Variants in IDI1 observed in about 807,000 individuals in gnomAD.
The protein encoded by IDI1 is isopentenyl-diphosphate delta isomerase 1, also known as isopentenyl-diphosphate Delta-isomerase 1.
Under a neutral mutation model 32.9 loss-of-function variants are expected in IDI1, and 23 were observed. The ratio of observed to expected loss-of-function variants is 0.70; its 90% CI spans 0.50 to 0.99. The LOEUF is 0.99. IDI1 is among the 50% of genes least tolerant of loss of function. IDI1 has a pLI of 0.00. For missense variants in IDI1, 326 were observed against 351.9 expected, an observed-to-expected ratio of 0.93 and a Z score of 0.59; for synonymous variants, 133 against 128.2, an observed-to-expected ratio of 1.04 and a Z score of -0.25.
chr10:1,054,098 T>C (rs1323333526), upstream of IDI1, among the ~76,000 whole-genome samples: 1 of 152,176 alleles, frequency 6.6e-6, no homozygotes, highest in Non-Finnish European at 1.5e-5. Flanking sequence ...CAGATCACTA[T>C]AACTGATTTA....
intron 1 of IDI1, 133 bp downstream of exon 1, chr10:1,048,731 C>G: frequency 6.9e-6 from 10 of 1,445,890 alleles, no homozygotes; most frequent in Non-Finnish European, 8.1e-6. Context: ...ACGCCGCCAC[C>G]CCCAGCTGTC....
At chr10:1,054,114 G>A (rs914991095), upstream of IDI1, among the ~76,000 whole-genome samples, 13 of 152,098 alleles carry the variant, frequency 8.5e-5, no homozygotes, top group South Asian at 2.1e-4. Flanking sequence ...ATTTAATAAC[G>A]GAAACATTCC....
rs1424019792 is a variant in IDI1 at position 1,041,371 on chromosome 10, T to G, written c.671A>C (p.Glu224Ala). 6.2e-7 allele frequency: 1 copy of G among 1,613,490 alleles called. No individual in the cohort carries two copies. Among genetic ancestry groups the G allele is most frequent in the Non-Finnish European group, 8.5e-7 (1 of 1,179,620 alleles). ...TGACACATAACAATAGCTTTTAATC[T>G]CATTGGGATCTGGATTCAAAGTTAC... ...KNVTLNPDPN[E>A]IKSYCYVSKE... Residue 224 changes from glutamate to alanine, a missense_variant, in exon 5 of 5, where the codon GAG (glutamate) becomes GCG (alanine). Glu to Ala is a moderately radical substitution (Grantham distance 107, BLOSUM62 -1). Around this residue, in one of 2 missense-constraint regions of IDI1, gnomAD observed 205 missense variants for 273.5 expected, o/e 0.75. Transcript: ENST00000381344.
Position 1,049,023 on chromosome 10 carries a change from C to A in IDI1, c.-20G>T. 1 of 1,473,820 alleles carries A rather than the reference C, an allele frequency of 6.8e-7. No individual in the cohort carries two copies. The highest frequency in any genetic ancestry group is 8.9e-7 in the Non-Finnish European group (1 of 1,121,818). 91.3% of individuals were successfully genotyped at this position (1,473,820 alleles called of 1,614,324 possible). On this transcript the variant is annotated 5_prime_UTR_variant, in exon 1 of 5. Transcript: ENST00000381344. ...CCACATCGCCCGGCCAATTGGCGCC[C>A]GTACGCGCTTGACGACACAATCTCG...
the IDI1 span, among the ~76,000 whole-genome samples, chr10:1,055,320 C>A: frequency 6.6e-6 from 1 of 152,184 alleles, no homozygotes; most frequent in Non-Finnish European, 1.5e-5. Flanking sequence ...AAAATGATTT[C>A]TTTCCCTTGT....
rs1052666939 is a variant in IDI1 at position 1,039,983 on chromosome 10, G to A, written c.*1204C>T. On this transcript the variant is annotated 3_prime_UTR_variant, in exon 5 of 5. Transcript: ENST00000381344. ...TGTCTGAAATTATAAATTGCCCAAA[G>A]TTAACCATAAATGAGTCATTCTATT... 1 of 152,080 alleles carries A rather than the reference G, an allele frequency of 6.6e-6. No individual in the cohort carries two copies. The highest frequency in any genetic ancestry group is 2.4e-5 in the African/African-American group (1 of 41,390). The allele number at this position is 152,080 out of a possible 1,614,324, so 9.4% of individuals were successfully genotyped here.
Position 1,043,402 on chromosome 10 carries a change from A to C in IDI1, c.314-9T>G, listed in dbSNP as rs751283571. On this transcript the variant is annotated splice_polypyrimidine_tract_variant and intron_variant, in intron 2 of 4. Coordinates refer to ENST00000381344, the MANE Select transcript of IDI1 (RefSeq NM_004508.4). ...AGCTCGATGCAATAATCCTGAAAGC[A>C]AAAGAAATAACAATTATTTTAGCCT... The C allele has an allele frequency of 1.9e-6, 3 of 1,554,022 alleles. No individual in the cohort carries two copies. Among genetic ancestry groups the C allele is most frequent in the Non-Finnish European group, 1.8e-6 (2 of 1,125,318 alleles).
chr10:1,043,821 C>A, intron 2 of IDI1, 178 bp downstream of exon 2: 1 of 667,590 alleles, frequency 1.5e-6, no homozygotes, highest in South Asian at 1.6e-5. Flanking sequence ...GAAGAGAAAT[C>A]GCTGTAACAG....
rs770974282 is a variant in IDI1 at position 1,043,311 on chromosome 10, A to G, written c.396T>C (p.Ile132=). The G allele has an allele frequency of 2.5e-6, 4 of 1,589,534 alleles. No individual in the cohort carries two copies. Among genetic ancestry groups the G allele is most frequent in the Non-Finnish European group, 3.5e-6 (4 of 1,158,004 alleles). The change falls in exon 3 of 5, where the codon ATT becomes ATC. Residue 132 remains isoleucine (I), a synonymous_variant. Transcript: ENST00000381344. ...LLLQQRSDAK[I]TFPGCFTNTC... is the part of the protein sequence containing the mutation. The stretch of plus-strand genomic sequence containing the variant: ...TAAAAGTGTACTAACCTGGAAAGGT[A>G]ATCTTAGCATCTGATCTTTGCTGTA...
At chr10:1,043,280 G>C in intron 3 of IDI1, 21 bp downstream of exon 3, 1 of 1,375,396 alleles carries the variant, frequency 7.3e-7, no homozygotes, top group East Asian at 2.3e-5. Flanking sequence ...ACACAATATT[G>C]TACATTAAAA....
chr10:1,049,360 T>A (rs370264499), upstream of IDI1, among the ~76,000 whole-genome samples: 1 of 151,954 alleles, frequency 6.6e-6, no homozygotes, highest in Non-Finnish European at 1.5e-5. Flanking sequence ...CGCCAAGCCC[T>A]GCAGCCGGAA....
upstream of IDI1, chr10:1,049,476 C>CCCCCCG (rs1832929773): frequency 1.5e-5 from 2 of 132,620 alleles, no homozygotes; most frequent in Admixed American, 8.1e-5. Flanking sequence ...CCCCCCTCCC[C>CCCCCCG]CCCCCCGAGT....
At chr10:1,044,773 A>G (rs576005709) in intron 1 of IDI1, among the ~76,000 whole-genome samples, 21 of 152,190 alleles carry the variant, frequency 1.4e-4, no homozygotes, top group African/African-American at 4.8e-4. Flanking sequence ...AGTTTTGTCA[A>G]TTTCCCCCAG....
Position 1,049,049 on chromosome 10 carries a change from C to G in IDI1, c.-46G>C. Reference sequence around the variant, plus strand: ...GTACGCGCTTGACGACACAATCTCGCCAAGCTTCGCCTGGTGGTGCCACCT... The same window carrying G: ...GTACGCGCTTGACGACACAATCTCGGCAAGCTTCGCCTGGTGGTGCCACCT... On this transcript the variant is annotated 5_prime_UTR_variant, in exon 1 of 5. Transcript: ENST00000381344. The G allele has an allele frequency of 6.9e-7, 1 of 1,448,924 alleles. No homozygotes were observed. The highest frequency in any genetic ancestry group is 9.0e-7 in the Non-Finnish European group (1 of 1,109,280). 89.8% of individuals were successfully genotyped at this position (1,448,924 alleles called of 1,614,324 possible). A position where few individuals can be genotyped will look rare whatever the true frequency, so the allele number is the denominator to read the frequency against.
chr10:1,045,596 A>G (rs1348512588), intron 1 of IDI1, among the ~76,000 whole-genome samples: 1 of 152,186 alleles, frequency 6.6e-6, no homozygotes, highest in Non-Finnish European at 1.5e-5. Context: ...CCTCCCAAGT[A>G]GCTGGGACTA....
rs977483094 is a variant in IDI1, at chr10:1,049,016, T to G, written c.-13A>C. 5.4e-6 allele frequency: 8 copies of G among 1,478,936 alleles called. No individual in the cohort carries two copies. In the East Asian group the frequency reaches 8.0e-5, roughly 15 times the overall value. The allele number at this position is 1,478,936 out of a possible 1,614,324, so 91.6% of individuals were successfully genotyped here. ...GTCCACGCCACATCGCCCGGCCAATTGGCGCCCGTACGCGCTTGACGACAC... is the reference window on the plus strand; with the variant it reads ...GTCCACGCCACATCGCCCGGCCAATGGGCGCCCGTACGCGCTTGACGACAC... On this transcript the variant is annotated 5_prime_UTR_variant, in exon 1 of 5. Coordinates refer to ENST00000381344, the MANE Select transcript of IDI1 (RefSeq NM_004508.4).
intron 1 of IDI1, 86 bp downstream of exon 1, chr10:1,048,778 C>A: frequency 2.4e-5 from 37 of 1,536,886 alleles, no homozygotes; most frequent in Non-Finnish European, 3.1e-5. Context: ...GTGGCTCAGA[C>A]CTCGGGCCTC....
At position 1,044,113 on chromosome 10, in the gene IDI1, C is replaced by T. The variant is rs767934669; in HGVS notation, c.199G>A (p.Asp67Asn). ...MMPEINTNHL[D>N]KQQVQLLAEM... ...GCCAGGAGTTGAACCTGTTGCTTGT[C>T]GAGGTGGTTAGTGTTTATTTCAGGC... is the stretch of plus-strand genomic sequence containing the variant. The change falls in exon 2 of 5, where the codon GAC (aspartate) becomes AAC (asparagine). Residue 67 changes from aspartate (D) to asparagine (N), a missense_variant. This residue lies in a region of IDI1 where 205 missense variants were observed against 273.5 expected (regional missense o/e 0.75). Coordinates refer to ENST00000381344, the MANE Select transcript of IDI1 (RefSeq NM_004508.4). The T allele has an allele frequency of 8.1e-6, 13 of 1,613,560 alleles. No individual in the cohort carries two copies. The highest frequency in any genetic ancestry group is 1.7e-5 in the Admixed American group (1 of 59,990).
the IDI1 span, among the ~76,000 whole-genome samples, chr10:1,055,199 C>T: frequency 6.6e-6 from 1 of 152,186 alleles, no homozygotes; most frequent in South Asian, 2.1e-4. Flanking sequence ...TGACTTTTGA[C>T]GAGTAATTTC....
Sources: allele counts gnomAD v4.1 joint callset (sites outside exome capture counted in the v4.1 genomes callset), GRCh38; gene constraint gnomAD v4.1.1; regional missense constraint gnomAD v4.1.1; transcripts MANE v1.5; gene names NCBI Gene and HGNC (gene_info 2026-07-23, HGNC 2026-07-21).